EIF4A3: variants seen among roughly 807,000 people sequenced by gnomAD.
EIF4A3 encodes the protein eukaryotic initiation factor 4A-III.
In EIF4A3, 1 loss-of-function variant was observed where a neutral mutation model predicts 55.6. The ratio of observed to expected loss-of-function variants is 0.02; its 90% CI spans 0.01 to 0.09. EIF4A3 has a LOEUF of 0.09. EIF4A3 is among the 10% of genes least tolerant of loss of function. The pLI is 1.00. For synonymous variants in EIF4A3, 194 were observed against 196.3 expected, an observed-to-expected ratio of 0.99 and a Z score of 0.10; for missense variants, 221 against 540.7, an observed-to-expected ratio of 0.41 and a Z score of 5.86.
intron 2 of EIF4A3, 105 bp downstream of exon 2, chr17:80,144,067 A>T (rs898483108): frequency 9.3e-7 from 1 of 1,073,196 alleles, no homozygotes; most frequent in African/African-American, 1.6e-5. Context: ...AAGTGTTGGA[A>T]CTGAGCGTGT....
intron 1 of EIF4A3, among the ~76,000 whole-genome samples, chr17:80,145,962 T>TGCCTC (rs1226876564): frequency 6.6e-6 from 1 of 152,160 alleles, no homozygotes; most frequent in East Asian, 1.9e-4. Flanking sequence ...TCTCCTGCCT[T>TGCCTC]GCCTCGCCTC....
chr17:80,146,647 G>T, intron 1 of EIF4A3, 146 bp downstream of exon 1: 1 of 948,526 alleles, frequency 1.1e-6, no homozygotes, highest in Non-Finnish European at 1.5e-6. Context: ...TGGGGGTGGG[G>T]GTCGGACGTC....
chr17:80,138,534 T>TAC (rs3071328), intron 7 of EIF4A3: 229,676 of 462,512 alleles, frequency 0.5, 58,450 homozygotes, highest in East Asian at 0.66. Context: ...GATAAATAAA[T>TAC]AGTCACCTAA....
chr17:80,139,327 C>T (rs1320912863), intron 6 of EIF4A3, 165 bp from the exon 7 acceptor site: 36 of 865,028 alleles, frequency 4.2e-5, no homozygotes, highest in South Asian at 3.1e-4. Context: ...GCGTTCTCTC[C>T]GTCCCTACTC....
In EIF4A3 at chr17:80,138,217, T is replaced by C. The variant is rs1323783622; in HGVS notation, c.792A>G (p.Lys264=). The change falls in exon 8 of 12, where the codon AAA becomes AAG. Residue 264 remains lysine (K), a synonymous_variant. Transcript: ENST00000649764. ...FFVAVEREEW[K]FDTLCDLYDT... The stretch of plus-strand genomic sequence containing the variant: ...CGTAGAGGTCACACAGAGTGTCAAA[T>C]TTCCACTCTTCCCTCTCCACTGCCA... The C allele has an allele frequency of 6.8e-6, 11 of 1,613,952 alleles. No homozygotes were observed. Among genetic ancestry groups the C allele is most frequent in the Non-Finnish European group, 9.3e-6 (11 of 1,180,032 alleles).
chr17:80,139,936 C>T, intron 5 of EIF4A3, 72 bp downstream of exon 5: 2 of 1,559,468 alleles, frequency 1.3e-6, no homozygotes, highest in Non-Finnish European at 1.7e-6. Context: ...AAATCGAAAG[C>T]TGTCCTGTAC....
intron 3 of EIF4A3, 133 bp downstream of exon 3, chr17:80,141,649 C>T (rs141952340): frequency 9.1e-5 from 77 of 848,162 alleles, no homozygotes; most frequent in Middle Eastern, 7.1e-4. Flanking sequence ...AACTAAGACT[C>T]TGTGTAAAAA....
intron 8 of EIF4A3, 88 bp from the exon 9 acceptor site, chr17:80,137,589 C>A: frequency 1.0e-6 from 1 of 987,656 alleles, no homozygotes; most frequent in Non-Finnish European, 1.5e-6. Context: ...ATTTGCAGAA[C>A]CAGTATCAAT....
chr17:80,146,034 G>A (rs2039659987), intron 1 of EIF4A3, among the ~76,000 whole-genome samples: 1 of 152,032 alleles, frequency 6.6e-6, no homozygotes, highest in South Asian at 2.1e-4. Flanking sequence ...GTGTCACATA[G>A]CTACTTAAAA....
In EIF4A3 at chr17:80,135,412, T is replaced by C; in HGVS notation, c.*78A>G. 2 of 1,501,030 alleles carry C rather than the reference T, an allele frequency of 1.3e-6. No homozygotes were observed. The highest frequency in any genetic ancestry group is 1.8e-6 in the Non-Finnish European group (2 of 1,125,840). 93.0% of individuals were successfully genotyped at this position (1,501,030 alleles called of 1,614,324 possible). On this transcript the variant is annotated 3_prime_UTR_variant, in exon 12 of 12. Coordinates refer to ENST00000649764, the MANE Select transcript of EIF4A3 (RefSeq NM_014740.4). The stretch of plus-strand genomic sequence containing the variant: ...GAAAGTCCATATAAACCCCATTAAG[T>C]AGAATCTGGATCTAAATACTTCCAA...
intron 2 of EIF4A3, 50 bp downstream of exon 2, chr17:80,144,122 C>T (rs770507654): frequency 4.4e-6 from 7 of 1,575,090 alleles, no homozygotes; most frequent in South Asian, 2.2e-5. Flanking sequence ...AACTGCACTG[C>T]GCTGCCCAAA....
intron 11 of EIF4A3, chr17:80,135,724 C>T (rs1331121065): frequency 6.6e-6 from 4 of 608,630 alleles, no homozygotes; most frequent in South Asian, 4.2e-5. Context: ...GGTGAAACCC[C>T]GTCTCTACTA....
intron 8 of EIF4A3, 96 bp from the exon 9 acceptor site, chr17:80,137,597 A>G (rs2039583047): frequency 3.3e-6 from 3 of 912,854 alleles, no homozygotes; most frequent in Non-Finnish European, 5.1e-6. Flanking sequence ...AACCAGTATC[A>G]ATATTCGTAA....
intron 1 of EIF4A3, among the ~76,000 whole-genome samples, chr17:80,146,308 CCT>C (rs2039662204): frequency 6.6e-6 from 1 of 152,054 alleles, no homozygotes; most frequent in Non-Finnish European, 1.5e-5. Flanking sequence ...AACCCCCTTA[CCT>C]CTCTGCTTTA....
At chr17:80,138,069 C>A (rs2039587590) in intron 8 of EIF4A3, 73 bp downstream of exon 8, 2 of 1,560,254 alleles carry the variant, frequency 1.3e-6, no homozygotes, top group East Asian at 4.5e-5. Context: ...ACTGAAAAAT[C>A]TTGATTTATG....
At chr17:80,138,371 G>A in intron 7 of EIF4A3, 91 bp from the exon 8 acceptor site, 1 of 1,517,616 alleles carries the variant, frequency 6.6e-7, no homozygotes, top group Admixed American at 1.7e-5. Flanking sequence ...GACCCTGGTG[G>A]AAAAGGTCAC....
intron 2 of EIF4A3, among the ~76,000 whole-genome samples, chr17:80,142,822 G>A (rs2039628903): frequency 6.6e-6 from 1 of 152,066 alleles, no homozygotes; most frequent in Non-Finnish European, 1.5e-5. Flanking sequence ...AAGGCAGACA[G>A]ATTGCCAGGA....
At chr17:80,138,985 C>T (rs1160486323) in intron 7 of EIF4A3, 36 bp downstream of exon 7, 1 of 1,607,586 alleles carries the variant, frequency 6.2e-7, no homozygotes, top group African/African-American at 1.3e-5. Context: ...AAATGCGGCC[C>T]AGTGTTTTAG....
chr17:80,142,940 G>A (rs968548404), intron 2 of EIF4A3, among the ~76,000 whole-genome samples: 1 of 152,206 alleles, frequency 6.6e-6, no homozygotes, highest in Non-Finnish European at 1.5e-5. Flanking sequence ...TTGGGAGGGT[G>A]AGGTGGGAGG....
Sources: allele counts gnomAD v4.1 joint callset (sites outside exome capture counted in the v4.1 genomes callset), GRCh38; gene constraint gnomAD v4.1.1; transcripts MANE v1.5; gene names NCBI Gene and HGNC (gene_info 2026-07-23, HGNC 2026-07-21).